The following ANKRD11 variants were observed in gnomAD, a reference collection of about 807,000 sequenced individuals.
ANKRD11 encodes the protein ankyrin repeat domain 11.
A neutral mutation model predicts 195.7 loss-of-function variants in ANKRD11; 17 were observed. The ratio of observed to expected loss-of-function variants is 0.09; its 90% CI spans 0.06 to 0.13. The LOEUF (loss-of-function observed/expected upper bound fraction) is 0.13. Ranked by LOEUF, ANKRD11 falls within the 10% of genes least tolerant of loss-of-function variation. ANKRD11 has a pLI of 1.00. For synonymous variants in ANKRD11, 1,953 were observed against 1,528.1 expected (o/e 1.28, Z -6.49); for missense variants, 3,735 against 3,566.1 (o/e 1.05, Z -1.21).
At chr16:89,308,288 G>T (rs903126466) in intron 3 of ANKRD11, among the ~76,000 whole-genome samples, 24 of 152,310 alleles carry the variant, frequency 1.6e-4, no homozygotes, top group Admixed American at 4.6e-4. Context: ...ATAAAGAAAA[G>T]AAAACCACGT....
chr16:89,311,924 T>C (rs974851021), intron 3 of ANKRD11, among the ~76,000 whole-genome samples: 3 of 152,126 alleles, frequency 2.0e-5, no homozygotes, highest in Admixed American at 1.3e-4. Context: ...CCGACACAGA[T>C]TCTCACTCTG....
In ANKRD11 at chr16:89,284,427, T is replaced by C; in HGVS notation, c.2115A>G (p.Leu705=). Residue 705 remains leucine (L), a synonymous_variant, in exon 9 of 13, where the codon TTA becomes TTG. Transcript: ENST00000301030. ...KKEEKLSKMK[L]EEKEWLFKDE... ...CTTTAAAGAGCCATTCTTTTTCTTC[T>C]AATTTCATTTTGCTAAGTTTCTCTT... The C allele has an allele frequency of 6.2e-7, 1 of 1,613,482 alleles. No homozygotes were observed. Among genetic ancestry groups the C allele is most frequent in the Non-Finnish European group, 8.5e-7 (1 of 1,179,932 alleles).
rs958521878 is a variant in ANKRD11, at chr16:89,285,126, C to A, written c.1416G>T (p.Arg472=). Residue 472 remains arginine, a synonymous_variant, in exon 9 of 13, where the codon CGG becomes CGT. Transcript: ENST00000301030. This position sits in a 1 kb window ranked among gnomAD's most constrained non-coding sequence, Gnocchi z 5.6. ...ACTCCGAGGAGCAGAACTTGTCGCT[C>A]CGCTTTCCGAAGCGAACCTCTCTGC... ...TKGREVRFGK[R]SDKFCSSESE... The A allele has an allele frequency of 8.7e-6, 14 of 1,613,548 alleles. No individual in the cohort carries two copies. The highest frequency in any genetic ancestry group is 1.2e-5 in the Non-Finnish European group (14 of 1,180,050).
At position 89,274,871 on chromosome 16, in the gene ANKRD11, G is replaced by A. The variant is rs1359051757; in HGVS notation, c.7656C>T (p.Phe2552=). ...ARTIANQAVP[F]SACTMLLDSE... The stretch of plus-strand genomic sequence containing the variant: ...AGTCCAGCAGCATCGTGCAGGCGCT[G>A]AATGGCACTGCCTGGTTGGCGATGG... The change falls in exon 11 of 13, where the codon TTC becomes TTT. Residue 2552 remains phenylalanine (F), a synonymous_variant. Transcript: ENST00000301030. The A allele has an allele frequency of 3.1e-6, 5 of 1,613,376 alleles. No individual in the cohort carries two copies. In the East Asian group the frequency reaches 1.1e-4, roughly 36 times the overall value.
intron 2 of ANKRD11, among the ~76,000 whole-genome samples, chr16:89,330,851 C>T (rs2038028467): frequency 6.6e-6 from 1 of 152,160 alleles, no homozygotes; most frequent in Admixed American, 6.5e-5. Flanking sequence ...TAAACTTCCC[C>T]CAGTGGCTTT....
intron 3 of ANKRD11, among the ~76,000 whole-genome samples, chr16:89,310,278 CTT>C (rs1158255158): frequency 3.3e-5 from 5 of 152,214 alleles, no homozygotes; most frequent in African/African-American, 1.2e-4. Context: ...TGTGAGCTCT[CTT>C]CTGTTCCACT....
At chr16:89,455,653 C>T (rs1401165942) in intron 1 of ANKRD11, among the ~76,000 whole-genome samples, 2 of 152,088 alleles carry the variant, frequency 1.3e-5, no homozygotes, top group African/African-American at 2.4e-5. Context: ...CAGGAGAGAG[C>T]TGTGGAGAGG....
intron 2 of ANKRD11, among the ~76,000 whole-genome samples, chr16:89,391,750 T>G (rs1229955402): frequency 6.6e-6 from 1 of 152,194 alleles, no homozygotes; most frequent in Non-Finnish European, 1.5e-5. Context: ...CAGAGGTTCC[T>G]CTTCAAAGAC....
intron 1 of ANKRD11, among the ~76,000 whole-genome samples, chr16:89,463,341 C>G (rs2056767659): frequency 6.6e-6 from 1 of 152,328 alleles, no homozygotes; most frequent in Admixed American, 6.5e-5. Context: ...AAAACTTCTG[C>G]CTTGGGATCC....
chr16:89,488,889 T>A (rs1193148406), intron 1 of ANKRD11: 3 of 152,156 alleles, frequency 2.0e-5, no homozygotes, highest in Admixed American at 6.6e-5. Flanking sequence ...TGCAAAAGGA[T>A]ACAAAACTAC....
At chr16:89,419,629 C>G (rs1226603897) in intron 1 of ANKRD11, among the ~76,000 whole-genome samples, 1 of 152,148 alleles carries the variant, frequency 6.6e-6, no homozygotes, top group Non-Finnish European at 1.5e-5. Context: ...GTGTGCAGAA[C>G]CAGGGAAGGA....
intron 2 of ANKRD11, among the ~76,000 whole-genome samples, chr16:89,349,913 T>C (rs3114888): frequency 0.22 from 13,067 of 60,318 alleles, 809 homozygotes; most frequent in Middle Eastern, 0.37. Flanking sequence ...CACACACACA[T>C]ATTCAAACAA....
chr16:89,430,669 C>G (rs1226560300), intron 1 of ANKRD11, among the ~76,000 whole-genome samples: 7 of 152,242 alleles, frequency 4.6e-5, no homozygotes, highest in Non-Finnish European at 7.3e-5. Flanking sequence ...GGCAGGCATT[C>G]CACACTGCAG....
intron 2 of ANKRD11, among the ~76,000 whole-genome samples, chr16:89,381,354 A>AAAAAAAAAAAAAAAAAAAAAAAAAAAG (rs1555560066): frequency 1.6e-5 from 2 of 125,336 alleles, no homozygotes; most frequent in African/African-American, 6.6e-5. Context: ...AAAAAAAAAA[A>AAAAAAAAAAAAAAAAAAAAAAAAAAAG]GGGGTGAGAA....
At chr16:89,295,804 G>A (rs2035382851) in intron 4 of ANKRD11, among the ~76,000 whole-genome samples, 1 of 142,844 alleles carries the variant, frequency 7.0e-6, no homozygotes, top group Admixed American at 7.0e-5. Flanking sequence ...CCTTCCCGAG[G>A]GGTGCTCTGT....
chr16:89,317,858 T>G (rs930036444), intron 2 of ANKRD11, among the ~76,000 whole-genome samples: 4 of 152,210 alleles, frequency 2.6e-5, no homozygotes. Flanking sequence ...GGCAAATTCC[T>G]AGATAGCCAA....
chr16:89,464,548 T>TA (rs1234003483), intron 1 of ANKRD11, among the ~76,000 whole-genome samples: 1 of 140,316 alleles, frequency 7.1e-6, no homozygotes, highest in African/African-American at 2.7e-5. Context: ...GTGGAGGCTG[T>TA]AGTGAGCCAA....
chr16:89,446,598 C>T (rs1365158095), intron 1 of ANKRD11, among the ~76,000 whole-genome samples: 1 of 151,992 alleles, frequency 6.6e-6, no homozygotes, highest in Non-Finnish European at 1.5e-5. Flanking sequence ...AGCGAGCCCC[C>T]GTCTCAAACA....
chr16:89,437,961 A>T (rs1412961036), intron 1 of ANKRD11, among the ~76,000 whole-genome samples: 1 of 152,242 alleles, frequency 6.6e-6, no homozygotes. Context: ...TGTAGAAAGA[A>T]AAATTCCTGG....
Sources: gnomAD v4.1 joint callset for allele counts (sites outside exome capture counted in the v4.1 genomes callset) on GRCh38, gnomAD v4.1.1 for gene constraint, Gnocchi (gnomAD v3.1) non-coding constraint, MANE v1.5 for transcripts, NCBI Gene and HGNC (gene_info 2026-07-23, HGNC 2026-07-21) for gene names.